Variants in NEXMIF observed in about 807,000 individuals in gnomAD.
The protein encoded by NEXMIF is neurite extension and migration factor, also known as XLMR protein related to neurite extension.
NEXMIF carries 8 observed loss-of-function variants against 62.1 expected under a neutral mutation model. The ratio of observed to expected loss-of-function variants is 0.13; its 90% CI spans 0.08 to 0.23. The LOEUF is 0.23. NEXMIF is among the 10% of genes least tolerant of loss of function. The probability of loss-of-function intolerance (pLI) is 1.00; values close to 1 mark genes in which losing one functional copy is unlikely to be tolerated. For synonymous variants in NEXMIF, 404 were observed against 416.6 expected, an observed-to-expected ratio of 0.97 and a Z score of 0.37; for missense variants, 976 against 1,113.3, an observed-to-expected ratio of 0.88 and a Z score of 1.75.
intron 1 of NEXMIF, among the ~76,000 whole-genome samples, chrX:74,791,460 T>C (rs377236271): frequency 9.0e-6 from 1 of 111,082 alleles, no homozygotes; most frequent in Non-Finnish European, 1.9e-5. Context: ...TGTCTCTGCC[T>C]GGCTTTGGTA....
At position 74,896,691 on chromosome X, in the gene NEXMIF, T is replaced by C. The variant is rs753284216; in HGVS notation, c.-48+28192A>G. Among the ~76,000 whole-genome samples, 7 of 111,710 alleles carry C rather than the reference T, an allele frequency of 6.3e-5. No homozygotes were observed. In the South Asian group the frequency reaches 2.7e-3, roughly 43 times the overall value. ...ATAAAAACTGGTGCCATCTGCCAAA[T>C]CTAGTGCAGTCTCTGCAACCTCCAA... is the stretch of plus-strand genomic sequence containing the variant. On this transcript the variant is annotated intron_variant, in intron 1 of 3. Transcript: ENST00000055682.
intron 1 of NEXMIF, among the ~76,000 whole-genome samples, chrX:74,881,145 A>G (rs1424724630): frequency 1.8e-5 from 2 of 111,259 alleles, no homozygotes; most frequent in East Asian, 2.8e-4. Flanking sequence ...GGAAATTGCT[A>G]GAGAAAAGAA....
At chrX:74,834,134 CA>C (rs60340857) in intron 1 of NEXMIF, among the ~76,000 whole-genome samples, 6,227 of 53,111 alleles carry the variant, frequency 0.12, 629 homozygotes, top group African/African-American at 0.35. Context: ...AACTCCATCT[CA>C]AAAAAAAAAA....
chrX:74,871,603 G>T (rs2080601114), intron 1 of NEXMIF, among the ~76,000 whole-genome samples: 1 of 111,007 alleles, frequency 9.0e-6, no homozygotes, highest in South Asian at 3.9e-4. Flanking sequence ...TCCCAGAGCA[G>T]CCATCTATAG....
intron 1 of NEXMIF, among the ~76,000 whole-genome samples, chrX:74,796,162 T>A (rs6647540): frequency 0.22 from 8,980 of 40,074 alleles, 1,284 homozygotes; most frequent in East Asian, 0.92. Context: ...TACATATATA[T>A]TATATATATT....
intron 1 of NEXMIF, among the ~76,000 whole-genome samples, chrX:74,886,653 T>G (rs1390256647): frequency 9.1e-6 from 1 of 110,164 alleles, no homozygotes; most frequent in African/African-American, 3.4e-5. Flanking sequence ...TAAAAGAGGA[T>G]ACAAACAAAT....
chrX:74,861,383 A>G (rs2080557000), intron 1 of NEXMIF, among the ~76,000 whole-genome samples: 1 of 112,015 alleles, frequency 8.9e-6, no homozygotes, highest in Non-Finnish European at 1.9e-5. Context: ...GGTACCTGAA[A>G]GAGACAGAGA....
intron 1 of NEXMIF, among the ~76,000 whole-genome samples, chrX:74,790,279 T>A (rs2080275844): frequency 1.8e-5 from 2 of 110,395 alleles, no homozygotes; most frequent in South Asian, 7.6e-4. Context: ...AAAGATCAGA[T>A]AGTTGTAGAT....
chrX:74,898,846 T>C (rs1228630116), intron 1 of NEXMIF, among the ~76,000 whole-genome samples: 1 of 109,950 alleles, frequency 9.1e-6, no homozygotes, highest in Non-Finnish European at 1.9e-5. Context: ...CAAGAAACAA[T>C]CAGAAAAGGA....
chrX:74,882,973 G>A (rs1392952677), intron 1 of NEXMIF, among the ~76,000 whole-genome samples: 1 of 111,444 alleles, frequency 9.0e-6, no homozygotes, highest in Non-Finnish European at 1.9e-5. Context: ...TCAGGGAGCA[G>A]CATTTGCGGT....
chrX:74,881,482 G>C (rs999896281), intron 1 of NEXMIF, among the ~76,000 whole-genome samples: 4 of 109,503 alleles, frequency 3.7e-5, no homozygotes, highest in Non-Finnish European at 3.8e-5. Flanking sequence ...TGAGACCCAG[G>C]CTTCTTCACT....
chrX:74,816,182 G>T (rs981963372), intron 1 of NEXMIF, among the ~76,000 whole-genome samples: 1 of 111,514 alleles, frequency 9.0e-6, no homozygotes, highest in Non-Finnish European at 1.9e-5. Context: ...TCCAGAGTAC[G>T]TACTACCTTT....
At chrX:74,790,559 C>T (rs2080277606) in intron 1 of NEXMIF, among the ~76,000 whole-genome samples, 1 of 112,304 alleles carries the variant, frequency 8.9e-6, no homozygotes, top group South Asian at 3.6e-4. Flanking sequence ...CTGTAAATTA[C>T]CTTGGGCAGT....
intron 1 of NEXMIF, among the ~76,000 whole-genome samples, chrX:74,846,189 A>C (rs928218284): frequency 3.6e-5 from 4 of 112,580 alleles, no homozygotes; most frequent in African/African-American, 6.4e-5. Flanking sequence ...CTTTAATTTT[A>C]TCTCCTCCTT....
intron 1 of NEXMIF, among the ~76,000 whole-genome samples, chrX:74,854,719 C>G (rs2080528474): frequency 8.9e-6 from 1 of 112,021 alleles, no homozygotes; most frequent in Non-Finnish European, 1.9e-5. Context: ...TTACAGAACA[C>G]AAAATCAACA....
rs1280524063 is a variant in NEXMIF, at chrX:74,888,143, G to T, written c.-48+36740C>A. On this transcript the variant is annotated intron_variant, in intron 1 of 3. Transcript: ENST00000055682. ...ATCACACACCTGGGACTGTTGTGGG[G>T]TGGGGGCAGGGGGGAAGGATAGCAG... Among the ~76,000 whole-genome samples, 9 of 109,460 alleles carry T rather than the reference G, an allele frequency of 8.2e-5. No individual in the cohort carries two copies. In the East Asian group the frequency reaches 2.6e-3, roughly 32 times the overall value.
rs761091140 is a variant in NEXMIF at position 74,876,508 on chromosome X, C to T, written c.-48+48375G>A. On this transcript the variant is annotated intron_variant, in intron 1 of 3. Transcript: ENST00000055682. The stretch of plus-strand genomic sequence containing the variant: ...GAGTTCTGTAGATGTCTATTAGGTT[C>T]GCTTGGTGCAGAGCTGAGTTCAATT... 1.4e-3 allele frequency among the ~76,000 whole-genome samples: 151 copies of T among 108,980 alleles called. 1 individual carries two copies. In the East Asian group the frequency reaches 0.019, roughly 13 times the overall value. 94.6% of individuals were successfully genotyped at this position (108,980 alleles called of 115,157 possible). A position where few individuals can be genotyped will look rare whatever the true frequency, so the allele number is the denominator to read the frequency against.
chrX:74,915,951 T>G (rs2080805291), intron 1 of NEXMIF, among the ~76,000 whole-genome samples: 1 of 111,981 alleles, frequency 8.9e-6, no homozygotes, highest in Non-Finnish European at 1.9e-5. Context: ...AAATATAAAT[T>G]TGTTGTTTTA....
In NEXMIF at chrX:74,884,770, T is replaced by C. The variant is rs1262560205; in HGVS notation, c.-48+40113A>G. ...AGAGTTAACAAGGATATCCAGGAAT[T>C]GAACTCAGCTCTGCACCAAGCGGGC... On this transcript the variant is annotated intron_variant, in intron 1 of 3. Transcript: ENST00000055682. 3.6e-5 allele frequency among the ~76,000 whole-genome samples: 4 copies of C among 111,464 alleles called. No individual in the cohort carries two copies. In the Admixed American group the frequency reaches 3.8e-4, roughly 11 times the overall value.
Sources: gnomAD v4.1 joint callset for allele counts (sites outside exome capture counted in the v4.1 genomes callset) on GRCh38, gnomAD v4.1.1 for gene constraint, MANE v1.5 for transcripts, NCBI Gene and HGNC (gene_info 2026-07-23, HGNC 2026-07-21) for gene names.